The following PDLIM3 variants were observed in gnomAD, a reference collection of about 807,000 sequenced individuals.
The protein encoded by PDLIM3 is PDZ and LIM domain protein 3.
PDLIM3 carries 36 observed loss-of-function variants against 37.3 expected under a neutral mutation model. The ratio of observed to expected loss-of-function variants is 0.97; its 90% CI spans 0.74 to 1.28. The LOEUF (loss-of-function observed/expected upper bound fraction) is 1.28, where lower values mean the gene tolerates loss of function less well. PDLIM3 is among the 50% of genes most tolerant of loss of function. The pLI is 0.00. For missense variants in PDLIM3, 454 were observed against 485.0 expected (o/e 0.94, Z 0.60); for synonymous variants, 174 against 182.4 (o/e 0.95, Z 0.37).
chr4:185,505,550 G>C (rs1322895473), intron 6 of PDLIM3, among the ~76,000 whole-genome samples: 1 of 152,000 alleles, frequency 6.6e-6, no homozygotes, highest in Non-Finnish European at 1.5e-5. Context: ...GAACCCGGGA[G>C]GCAGAGGTTG....
rs752432016 is a variant in PDLIM3, at chr4:185,525,111, T to C, written c.154A>G (p.Ile52Val). ...ATGGACTCTGTCCCAAAGCCGTCAA[T>C]AGCCAGGATGACATCTCCAGGACAC... ...NLCPGDVILA[I>V]DGFGTESMTH... is the part of the protein sequence containing the mutation. The change falls in exon 2 of 8, where the codon ATT becomes GTT. Residue 52 changes from isoleucine (I) to valine (V), a missense_variant. By Grantham distance (29) the Ile-to-Val change is conservative. Transcript: ENST00000284767. 3 of 1,614,076 alleles carry C rather than the reference T, an allele frequency of 1.9e-6. No homozygotes were observed. The highest frequency in any genetic ancestry group is 2.7e-5 in the African/African-American group (2 of 74,944).
Position 185,502,009 on chromosome 4 carries a change from A to G in PDLIM3, c.*285T>C, listed in dbSNP as rs182665079. On this transcript the variant is annotated 3_prime_UTR_variant, in exon 8 of 8. Transcript: ENST00000284767. ...TTTATGTGTTTGATGGCTGTAATAT[A>G]CATGTAAATTGTGGAGTATGACATA... The G allele has an allele frequency of 4.3e-6, 2 of 460,444 alleles. No homozygotes were observed. Among genetic ancestry groups the G allele is most frequent in the Non-Finnish European group, 8.0e-6 (2 of 249,720 alleles). 28.5% of individuals were successfully genotyped at this position (460,444 alleles called of 1,614,324 possible). A position where few individuals can be genotyped will look rare whatever the true frequency, so the allele number is the denominator to read the frequency against.
rs1273290437 is a variant in PDLIM3, at chr4:185,514,124, A to G, written c.398+146T>C. ...GTTATTTGGCTTCTGTTCTCTGCCA[A>G]GTGAGTTTGTTTCTTTTTGCTTTTG... is the stretch of plus-strand genomic sequence containing the variant. On this transcript the variant is annotated intron_variant, in intron 4 of 7. Coordinates refer to ENST00000284767, the MANE Select transcript of PDLIM3 (RefSeq NM_014476.6). The surrounding 1 kb of genome is among the most constrained non-coding windows in gnomAD (Gnocchi z 4.0). 3 of 1,543,436 alleles carry G rather than the reference A, an allele frequency of 1.9e-6. No individual in the cohort carries two copies. The highest frequency in any genetic ancestry group is 2.6e-6 in the Non-Finnish European group (3 of 1,145,088).
At chr4:185,534,071 T>C (rs1022476483) in intron 1 of PDLIM3, among the ~76,000 whole-genome samples, 3 of 152,224 alleles carry the variant, frequency 2.0e-5, no homozygotes, top group Non-Finnish European at 4.4e-5. Flanking sequence ...TTTGGGGGTA[T>C]GTTGAACAGT....
At chr4:185,508,624 G>C in intron 4 of PDLIM3, 62 bp from the exon 5 acceptor site, 1 of 1,519,846 alleles carries the variant, frequency 6.6e-7, no homozygotes, top group Non-Finnish European at 9.1e-7. Context: ...CCAGACAGAA[G>C]AACACAGAGA....
chr4:185,509,502 A>C (rs565572127), intron 4 of PDLIM3, among the ~76,000 whole-genome samples: 1 of 152,312 alleles, frequency 6.6e-6, no homozygotes, highest in African/African-American at 2.4e-5. Context: ...GAGATTGTAC[A>C]TTCTATTTGG....
Position 185,508,311 on chromosome 4 carries a change from G to GT in PDLIM3, c.649dup (p.Thr217AsnfsTer27). 1 of 1,614,126 alleles carries GT rather than the reference G, an allele frequency of 6.2e-7. No homozygotes were observed. The highest frequency in any genetic ancestry group is 8.5e-7 in the Non-Finnish European group (1 of 1,179,974). On this transcript the variant is annotated frameshift_variant, in exon 5 of 8. Coordinates refer to ENST00000284767, the MANE Select transcript of PDLIM3 (RefSeq NM_014476.6). LOFTEE classifies it high-confidence loss of function. Reference sequence around the variant, plus strand: ...AGACTCATATTACCTCATCAAAGGTGTTTCCCCTAGGGCTGTTGAAACCTG... The same window carrying GT: ...AGACTCATATTACCTCATCAAAGGTGTTTTCCCCTAGGGCTGTTGAAACCTG...
At chr4:185,512,959 G>T (rs913489970) in intron 4 of PDLIM3, 162 of 985,312 alleles carry the variant, frequency 1.6e-4, no homozygotes, top group Middle Eastern at 1.5e-3. Context: ...CATCGGGAGC[G>T]AGACGGCTCT....
At chr4:185,529,180 C>T (rs757463683) in intron 1 of PDLIM3, among the ~76,000 whole-genome samples, 6 of 152,112 alleles carry the variant, frequency 3.9e-5, no homozygotes, top group Non-Finnish European at 7.4e-5. Context: ...CCTTGCTGAA[C>T]GTTAAAGGCT....
intron 6 of PDLIM3, among the ~76,000 whole-genome samples, chr4:185,506,285 A>G (rs570738493): frequency 1.3e-5 from 2 of 152,182 alleles, no homozygotes; most frequent in East Asian, 3.9e-4. Context: ...CCATTAATGC[A>G]ATTTGTCTTT....
intron 1 of PDLIM3, among the ~76,000 whole-genome samples, chr4:185,526,873 C>T (rs1406161905): frequency 1.3e-5 from 2 of 152,328 alleles, no homozygotes; most frequent in East Asian, 3.9e-4. Context: ...GCTGCACTCT[C>T]AGAAAGACTT....
At chr4:185,505,084 T>C (rs898778381) in intron 6 of PDLIM3, among the ~76,000 whole-genome samples, 1 of 152,216 alleles carries the variant, frequency 6.6e-6, no homozygotes, top group Non-Finnish European at 1.5e-5. Context: ...TTCTGTCTCT[T>C]GGATTTGCCT....
chr4:185,533,058 C>T (rs898330718), intron 1 of PDLIM3, among the ~76,000 whole-genome samples: 2 of 152,056 alleles, frequency 1.3e-5, no homozygotes, highest in South Asian at 4.1e-4. Flanking sequence ...TGATCATCGG[C>T]GGGTTAATAA....
rs1413137933 is a variant in PDLIM3 at position 185,514,386 on chromosome 4, T to C, written c.331-49A>G. On this transcript the variant is annotated intron_variant, in intron 3 of 7. Transcript: ENST00000284767. The surrounding 1 kb of genome is among the most constrained non-coding windows in gnomAD (Gnocchi z 4.0). ...GGCCCTCAGTGGAAGGCGGACACTG[T>C]TGCAGATAAGATTAAACGAACGATA... is the stretch of plus-strand genomic sequence containing the variant. 5 of 1,614,152 alleles carry C rather than the reference T, an allele frequency of 3.1e-6. No individual in the cohort carries two copies. The Admixed American group carries it at 5.0e-5, about 16-fold the overall frequency.
chr4:185,516,429 G>C (rs938519152), intron 3 of PDLIM3: 1 of 152,152 alleles, frequency 6.6e-6, no homozygotes, highest in African/African-American at 2.4e-5. Context: ...TTTCAGATAA[G>C]TTGTGGGTTA....
chr4:185,502,131 C>T lies in PDLIM3; in HGVS notation c.*163G>A, dbSNP rs2095687982. ...TTTTTTTCACATAGCAGGCATTTGC[C>T]TCCCATTCCTTTTCCTCAATAAACA... is the stretch of plus-strand genomic sequence containing the variant. On this transcript the variant is annotated 3_prime_UTR_variant, in exon 8 of 8. Transcript: ENST00000284767. 1.3e-5 allele frequency: 10 copies of T among 749,596 alleles called. No individual in the cohort carries two copies. Among genetic ancestry groups the T allele is most frequent in the East Asian group, 2.7e-5 (1 of 37,084 alleles). 46.4% of individuals were successfully genotyped at this position (749,596 alleles called of 1,614,324 possible). A position where few individuals can be genotyped will look rare whatever the true frequency, so the allele number is the denominator to read the frequency against.
At chr4:185,519,441 A>C (rs111307761) in intron 3 of PDLIM3, among the ~76,000 whole-genome samples, 10,628 of 152,076 alleles carry the variant, frequency 0.07, 1,224 homozygotes, top group African/African-American at 0.24. Flanking sequence ...GTGTGCCACC[A>C]CATCTGGCTA....
At chr4:185,511,957 T>C (rs2095707269) in intron 4 of PDLIM3, 1 of 152,208 alleles carries the variant, frequency 6.6e-6, no homozygotes, top group African/African-American at 2.4e-5. Context: ...CAAATCTAGT[T>C]GTAGGCTGGT....
chr4:185,523,229 G>A (rs950196074), intron 3 of PDLIM3, 133 bp downstream of exon 3: 19 of 651,062 alleles, frequency 2.9e-5, no homozygotes, highest in Middle Eastern at 2.5e-4. Context: ...AATTAATCTC[G>A]GAGAGGAATG....
Sources: gnomAD v4.1 joint callset for allele counts (sites outside exome capture counted in the v4.1 genomes callset) on GRCh38, gnomAD v4.1.1 for gene constraint, Gnocchi (gnomAD v3.1) non-coding constraint, MANE v1.5 for transcripts, NCBI Gene and HGNC (gene_info 2026-07-23, HGNC 2026-07-21) for gene names.